Variants in ITPR2 observed in about 807,000 individuals in gnomAD.
ITPR2 encodes inositol 1,4,5-trisphosphate-gated calcium channel ITPR2.
ITPR2 carries 207 observed loss-of-function variants against 317.1 expected under a neutral mutation model. The ratio of observed to expected loss-of-function variants is 0.65; its 90% CI spans 0.58 to 0.73. The LOEUF (loss-of-function observed/expected upper bound fraction) is 0.73, where lower values mean the gene tolerates loss of function less well. Ranked by LOEUF, ITPR2 falls within the 30% of genes least tolerant of loss-of-function variation. The pLI, the probability that ITPR2 is intolerant of heterozygous loss-of-function variation, is 0.00. For synonymous variants in ITPR2, 1,156 were observed against 1,149.1 expected (o/e 1.01, Z -0.12); for missense variants, 2,613 against 3,284.0 (o/e 0.80, Z 4.99).
chr12:26,592,819 AAC>A (rs1204712030), intron 32 of ITPR2, among the ~76,000 whole-genome samples: 1 of 152,236 alleles, frequency 6.6e-6, no homozygotes, highest in African/African-American at 2.4e-5. Flanking sequence ...TATTCATGTC[AAC>A]TACTGTTGTG....
chr12:26,708,011 T>C (rs906225188), intron 9 of ITPR2, among the ~76,000 whole-genome samples: 5 of 152,190 alleles, frequency 3.3e-5, no homozygotes, highest in Non-Finnish European at 7.3e-5. Flanking sequence ...TTAACATCAT[T>C]AATCATCAGA....
At chr12:26,739,389 T>C (rs1046045458) in intron 2 of ITPR2, among the ~76,000 whole-genome samples, 4 of 152,162 alleles carry the variant, frequency 2.6e-5, no homozygotes, top group African/African-American at 9.7e-5. Flanking sequence ...TTCCCAAAAA[T>C]GGGGGAAAAC....
chr12:26,738,494 T>C (rs1259631624), intron 2 of ITPR2, among the ~76,000 whole-genome samples: 1 of 152,160 alleles, frequency 6.6e-6, no homozygotes, highest in Non-Finnish European at 1.5e-5. Flanking sequence ...TTTTTTTGTC[T>C]CCTCCTTTCC....
intron 35 of ITPR2, among the ~76,000 whole-genome samples, chr12:26,560,829 C>G (rs1292399743): frequency 1.3e-5 from 2 of 152,164 alleles, no homozygotes; most frequent in East Asian, 3.8e-4. Context: ...CATGTTACCT[C>G]TCATAATATT....
intron 37 of ITPR2, among the ~76,000 whole-genome samples, chr12:26,533,413 G>A (rs537521216): frequency 2.0e-5 from 3 of 152,212 alleles, no homozygotes; most frequent in South Asian, 2.1e-4. Context: ...CAAGCTGCTC[G>A]GTGCATTTTG....
intron 34 of ITPR2, among the ~76,000 whole-genome samples, chr12:26,570,923 T>C (rs1945143124): frequency 6.6e-6 from 1 of 152,166 alleles, no homozygotes; most frequent in African/African-American, 2.4e-5. Flanking sequence ...GAGCTCTCCA[T>C]CCTTACTTGC....
intron 37 of ITPR2, among the ~76,000 whole-genome samples, chr12:26,510,742 C>T (rs1287187503): frequency 1.3e-5 from 2 of 152,146 alleles, no homozygotes; most frequent in Admixed American, 6.5e-5. Context: ...TATTTGATTA[C>T]GTATCAGGGC....
intron 45 of ITPR2, among the ~76,000 whole-genome samples, chr12:26,445,631 A>G (rs1941593029): frequency 6.6e-6 from 1 of 152,194 alleles, no homozygotes; most frequent in African/African-American, 2.4e-5. Context: ...AAATGAGGAC[A>G]GAGAAATGTC....
intron 21 of ITPR2, among the ~76,000 whole-genome samples, chr12:26,649,877 CAGAT>C (rs1448908189): frequency 6.6e-6 from 1 of 152,048 alleles, no homozygotes; most frequent in African/African-American, 2.4e-5. Flanking sequence ...GATAGATAGA[CAGAT>C]AGATAATCTG....
intron 32 of ITPR2, among the ~76,000 whole-genome samples, chr12:26,593,765 G>T (rs1945767039): frequency 2.0e-5 from 3 of 150,832 alleles, no homozygotes; most frequent in Non-Finnish European, 4.4e-5. Flanking sequence ...TTCAAAAAAA[G>T]AATGTAAATC....
intron 1 of ITPR2, among the ~76,000 whole-genome samples, chr12:26,790,437 T>C (rs988819021): frequency 3.9e-5 from 6 of 152,324 alleles, no homozygotes; most frequent in Non-Finnish European, 8.8e-5. Flanking sequence ...GGAAACATTG[T>C]TAAGAGGTAG....
At chr12:26,794,010 A>T (rs1950386817) in intron 1 of ITPR2, among the ~76,000 whole-genome samples, 1 of 152,172 alleles carries the variant, frequency 6.6e-6, no homozygotes, top group South Asian at 2.1e-4. Flanking sequence ...AATAGCCTAA[A>T]ATTCTCAATT....
chr12:26,776,200 A>C (rs892691535), intron 2 of ITPR2, among the ~76,000 whole-genome samples: 6 of 151,744 alleles, frequency 4.0e-5, no homozygotes, highest in African/African-American at 1.2e-4. Flanking sequence ...CGCATTTGAC[A>C]CTCCTGACTC....
chr12:26,592,683 T>C (rs1169260172), intron 32 of ITPR2, among the ~76,000 whole-genome samples: 2 of 152,232 alleles, frequency 1.3e-5, no homozygotes, highest in Non-Finnish European at 2.9e-5. Context: ...TATGATTCTT[T>C]AGGTTCAACT....
chr12:26,757,715 T>C (rs1262671151), intron 2 of ITPR2, among the ~76,000 whole-genome samples: 1 of 152,242 alleles, frequency 6.6e-6, no homozygotes, highest in African/African-American at 2.4e-5. Context: ...GGGACAACTG[T>C]GGTTGGTTCT....
chr12:26,487,234 C>A lies in ITPR2; in HGVS notation c.5388G>T (p.Gln1796His). The A allele has an allele frequency of 6.3e-7, 1 of 1,599,764 alleles. No individual in the cohort carries two copies. The highest frequency in any genetic ancestry group is 1.8e-5 in the Admixed American group (1 of 55,712). The part of the protein sequence containing the change: ...NTQTQYSFYQ[Q>H]LHEQKKSEKF... ...TTTCTGACTTTTTTTGTTCATGCAA[C>A]TGCTGGTAGAAAGAATACTGCAAGA... Residue 1796 changes from glutamine to histidine, a missense_variant, in exon 40 of 57, where the codon CAG becomes CAT. By Grantham distance (24) the Gln-to-His change is conservative. This residue lies in a region of ITPR2 where 926 missense variants were observed against 1,072.8 expected (regional missense o/e 0.86). Transcript: ENST00000381340.
chr12:26,623,831 T>C (rs993100128), intron 24 of ITPR2, among the ~76,000 whole-genome samples: 2 of 152,248 alleles, frequency 1.3e-5, no homozygotes, highest in Non-Finnish European at 1.5e-5. Context: ...AGGCTAGTCA[T>C]GTCAAAGGTG....
intron 55 of ITPR2, among the ~76,000 whole-genome samples, chr12:26,352,410 T>C (rs1026316386): frequency 2.6e-5 from 4 of 152,246 alleles, no homozygotes; most frequent in African/African-American, 9.6e-5. Context: ...CTCTTGGATT[T>C]TCTCTTGGAA....
intron 1 of ITPR2, among the ~76,000 whole-genome samples, chr12:26,817,099 T>G (rs1950869522): frequency 6.9e-6 from 1 of 145,598 alleles, no homozygotes; most frequent in Non-Finnish European, 1.5e-5. Context: ...GAGAATCACT[T>G]GAACCCGGGA....
Sources: allele counts gnomAD v4.1 joint callset (sites outside exome capture counted in the v4.1 genomes callset), GRCh38; gene constraint gnomAD v4.1.1; regional missense constraint gnomAD v4.1.1; transcripts MANE v1.5; gene names NCBI Gene and HGNC (gene_info 2026-07-23, HGNC 2026-07-21).